The following LARP1 variants were observed in gnomAD, a reference collection of about 807,000 sequenced individuals.
LARP1 encodes the protein La ribonucleoprotein 1, translational regulator.
Under a neutral mutation model 122.7 loss-of-function variants are expected in LARP1, and 36 were observed. The observed-to-expected ratio is 0.29, with a 90% CI of 0.22 to 0.39. LARP1 has a LOEUF of 0.39. Among genes scored for constraint, LARP1 ranks in the 10% least tolerant of loss-of-function variants. The pLI, the probability that LARP1 is intolerant of heterozygous loss-of-function variation, is 1.00. For missense variants in LARP1, 1,040 were observed against 1,403.6 expected (o/e 0.74, Z 4.14); for synonymous variants, 539 against 528.7 (o/e 1.02, Z -0.27).
At chr5:154,717,188 T>C (rs1473410527) in intron 1 of LARP1, among the ~76,000 whole-genome samples, 1 of 152,186 alleles carries the variant, frequency 6.6e-6, no homozygotes, top group East Asian at 1.9e-4. Flanking sequence ...CACATTCTCA[T>C]ATGCCAACAA....
At chr5:154,788,903 T>C (rs557573348) in intron 1 of LARP1, among the ~76,000 whole-genome samples, 24 of 152,156 alleles carry the variant, frequency 1.6e-4, no homozygotes, top group Non-Finnish European at 2.8e-4. Flanking sequence ...CATTTTTGTT[T>C]TACAAGAAGG....
chr5:154,722,388 C>A (rs1755927826), intron 1 of LARP1, among the ~76,000 whole-genome samples: 2 of 152,168 alleles, frequency 1.3e-5, no homozygotes, highest in Admixed American at 6.5e-5. Context: ...TCTCCCCAGG[C>A]TGGTGGGTGG....
At chr5:154,762,524 G>A (rs1754541806) in intron 1 of LARP1, among the ~76,000 whole-genome samples, 1 of 151,788 alleles carries the variant, frequency 6.6e-6, no homozygotes, top group East Asian at 1.9e-4. Flanking sequence ...CAGTCCTAGT[G>A]TGGCACCTTT....
At chr5:154,715,613 G>A (rs1755456657) in intron 1 of LARP1, among the ~76,000 whole-genome samples, 1 of 152,114 alleles carries the variant, frequency 6.6e-6, no homozygotes, top group South Asian at 2.1e-4. Context: ...CGTTTTCCTT[G>A]GTAACCAGCC....
intron 1 of LARP1, among the ~76,000 whole-genome samples, chr5:154,768,774 G>T (rs1163405520): frequency 6.6e-6 from 1 of 152,110 alleles, no homozygotes; most frequent in African/African-American, 2.4e-5. Flanking sequence ...TAGAGATGGG[G>T]TTTCACTATG....
intron 1 of LARP1, among the ~76,000 whole-genome samples, chr5:154,766,766 T>C (rs1188220079): frequency 1.3e-5 from 2 of 152,162 alleles, no homozygotes; most frequent in African/African-American, 4.8e-5. Flanking sequence ...TGCCTACAGA[T>C]AGGCTGCTAC....
chr5:154,761,863 T>C (rs1754475544), intron 1 of LARP1, among the ~76,000 whole-genome samples: 1 of 152,218 alleles, frequency 6.6e-6, no homozygotes, highest in Non-Finnish European at 1.5e-5. Context: ...CTGTTTTCCT[T>C]ATTCACAGAA....
At chr5:154,808,736 T>C (rs1234089730) in intron 16 of LARP1, 133 bp downstream of exon 16, 15 of 881,502 alleles carry the variant, frequency 1.7e-5, no homozygotes. Context: ...ATGAAAAATT[T>C]GTTTTTAAAT....
In LARP1 at chr5:154,816,499, TG is replaced by T. The variant is rs1195775498; in HGVS notation, c.*2405del. The T allele has an allele frequency of 6.5e-6, 1 of 152,692 alleles. No homozygotes were observed. The highest frequency in any genetic ancestry group is 1.5e-5 in the Non-Finnish European group (1 of 68,096). The allele number at this position is 152,692 out of a possible 1,614,324, so 9.5% of individuals were successfully genotyped here. On this transcript the variant is annotated 3_prime_UTR_variant, in exon 19 of 19. Transcript: ENST00000518297. ...AGGACTTCATCTCAACATCGGCTGG[TG>T]GTTGGTAGGGGAGCTTTTTCTTTTC...
intron 1 of LARP1, among the ~76,000 whole-genome samples, chr5:154,776,986 C>G (rs1755944538): frequency 6.6e-6 from 1 of 152,312 alleles, no homozygotes; most frequent in Admixed American, 6.5e-5. Flanking sequence ...AGTCTCGTGT[C>G]ACTTAACAGG....
At chr5:154,745,020 G>A (rs1007517097) in intron 1 of LARP1, among the ~76,000 whole-genome samples, 4 of 150,472 alleles carry the variant, frequency 2.7e-5, no homozygotes, top group East Asian at 2.0e-4. Flanking sequence ...TCCACCTCCC[G>A]GGTTGAAGCG....
rs923037286 is a variant in LARP1 at position 154,759,443 on chromosome 5, A to G, written c.436+3250A>G. 3.3e-5 allele frequency among the ~76,000 whole-genome samples: 5 copies of G among 152,244 alleles called. No homozygotes were observed. The East Asian group carries it at 9.6e-4, about 29-fold the overall frequency. On this transcript the variant is annotated intron_variant, in intron 1 of 18. Transcript: ENST00000518297. ...CCACAGACATGAAGGGCATGGATGG[A>G]TAATTTAAAGGTTGCTGACTCTTAA...
Position 154,797,883 on chromosome 5 carries a change from C to T in LARP1, c.1378-1708C>T, listed in dbSNP as rs184491603. Among the ~76,000 whole-genome samples the T allele has an allele frequency of 4.1e-4, 63 of 152,020 alleles. No individual in the cohort carries two copies. The South Asian group carries it at 4.4e-3, about 11-fold the overall frequency. The stretch of plus-strand genomic sequence containing the variant: ...AATTTTTTGTAGAGATGAGGTCTTG[C>T]AGTGTTGCCCAGGCTGGTCTGAAAT... On this transcript the variant is annotated intron_variant, in intron 8 of 18. Coordinates refer to ENST00000518297, the MANE Select transcript of LARP1 (RefSeq NM_033551.3).
chr5:154,808,694 T>G, intron 16 of LARP1, 91 bp downstream of exon 16: 1 of 1,335,652 alleles, frequency 7.5e-7, no homozygotes. Context: ...AGTTGGAAAT[T>G]CCTTGCATGT....
chr5:154,721,016 G>C (rs1016841225), intron 1 of LARP1, among the ~76,000 whole-genome samples: 4 of 151,658 alleles, frequency 2.6e-5, no homozygotes, highest in Admixed American at 2.6e-4. Flanking sequence ...GTTCATTTCA[G>C]TGATTCATAT....
chr5:154,708,135 TA>T, upstream of LARP1, among the ~76,000 whole-genome samples: 1 of 152,200 alleles, frequency 6.6e-6, no homozygotes. Flanking sequence ...AAAGCTGAGA[TA>T]GGTGATCATG....
intron 1 of LARP1, among the ~76,000 whole-genome samples, chr5:154,727,420 T>A (rs1756288285): frequency 6.6e-6 from 1 of 152,136 alleles, no homozygotes; most frequent in African/African-American, 2.4e-5. Flanking sequence ...ATGTTTAAAG[T>A]CATAAATGAA....
At chr5:154,693,914 C>T (rs1754351794) in intron 1 of LARP1, among the ~76,000 whole-genome samples, 1 of 150,932 alleles carries the variant, frequency 6.6e-6, no homozygotes, top group Admixed American at 6.6e-5. Context: ...ATGGAGTAGA[C>T]TACATAGCTC....
In LARP1 at chr5:154,795,260, C is replaced by T; in HGVS notation, c.1318C>T (p.Leu440Phe). The part of the protein sequence containing the change: ...MDADGFLPIT[L>F]IASFHRVQAL... ...TGCTGATGGTTTCCTACCCATCACC[C>T]TTATTGCTTCCTTCCACCGAGTGCA... The change falls in exon 8 of 19, where the codon CTT (leucine) becomes TTT (phenylalanine). Residue 440 changes from leucine (L) to phenylalanine (F), a missense_variant. By Grantham distance (22) the Leu-to-Phe change is conservative. Coordinates refer to ENST00000518297, the MANE Select transcript of LARP1 (RefSeq NM_033551.3). 1 of 1,614,028 alleles carries T rather than the reference C, an allele frequency of 6.2e-7. No homozygotes were observed. Among genetic ancestry groups the T allele is most frequent in the African/African-American group, 1.3e-5 (1 of 75,040 alleles).
Sources: gnomAD v4.1 joint callset for allele counts (sites outside exome capture counted in the v4.1 genomes callset) on GRCh38, gnomAD v4.1.1 for gene constraint, MANE v1.5 for transcripts, NCBI Gene and HGNC (gene_info 2026-07-23, HGNC 2026-07-21) for gene names.